SLC11A2: variants seen among roughly 807,000 people sequenced by gnomAD.
SLC11A2 encodes solute carrier family 11 member 2.
In SLC11A2, 38 loss-of-function variants were observed where a neutral mutation model predicts 68.0. The observed-to-expected ratio is 0.56, with a 90% CI of 0.43 to 0.73. The LOEUF (loss-of-function observed/expected upper bound fraction) is 0.73. Ranked by LOEUF, SLC11A2 falls within the 30% of genes least tolerant of loss-of-function variation. SLC11A2 has a pLI of 0.00. For synonymous variants in SLC11A2, 242 were observed against 250.6 expected, an observed-to-expected ratio of 0.97 and a Z score of 0.32; for missense variants, 517 against 690.5, an observed-to-expected ratio of 0.75 and a Z score of 2.82.
the SLC11A2 span, among the ~76,000 whole-genome samples, chr12:50,967,808 T>C: frequency 6.6e-6 from 1 of 152,198 alleles, no homozygotes; most frequent in African/African-American, 2.4e-5. Context: ...AAACTACCAG[T>C]AGTGATATAT....
chr12:50,963,058 G>A, the SLC11A2 span, among the ~76,000 whole-genome samples: 45 of 152,050 alleles, frequency 3.0e-4, no homozygotes, highest in African/African-American at 8.0e-4. Flanking sequence ...GAAGTGAGCC[G>A]GGAAAGGAAT....
intron 5 of SLC11A2, 82 bp from the exon 6 acceptor site, chr12:51,000,501 G>T: frequency 1.9e-6 from 2 of 1,062,632 alleles, no homozygotes; most frequent in Non-Finnish European, 1.4e-6. Flanking sequence ...TCACATTTTG[G>T]CACTAAACCA....
rs1023830008 is a variant in SLC11A2, at chr12:50,986,355, G to A, written c.*1970C>T. 6 of 1,279,490 alleles carry A rather than the reference G, an allele frequency of 4.7e-6. No individual in the cohort carries two copies. Among genetic ancestry groups the A allele is most frequent in the African/African-American group, 1.5e-5 (1 of 65,664 alleles). The allele number at this position is 1,279,490 out of a possible 1,614,324, so 79.3% of individuals were successfully genotyped here. Reference sequence around the variant, plus strand: ...TTCTGTGAAGATCAAATGCAATAACGTATGAGGGTATTTTTAACACTGTGA... The same window carrying A: ...TTCTGTGAAGATCAAATGCAATAACATATGAGGGTATTTTTAACACTGTGA... On this transcript the variant is annotated 3_prime_UTR_variant, in exon 16 of 16. Coordinates refer to ENST00000262052, the MANE Select transcript of SLC11A2 (RefSeq NM_000617.3).
the SLC11A2 span, among the ~76,000 whole-genome samples, chr12:50,963,571 A>G: frequency 6.6e-6 from 1 of 152,128 alleles, no homozygotes; most frequent in East Asian, 1.9e-4. Flanking sequence ...GGGGCTAAAC[A>G]TGGAGCTGGC....
Position 51,008,598 on chromosome 12 carries a change from A to G in SLC11A2, c.61T>C (p.Ser21Pro), listed in dbSNP as rs148005999. 2 of 1,612,912 alleles carry G rather than the reference A, an allele frequency of 1.2e-6. No individual in the cohort carries two copies. Among genetic ancestry groups the G allele is most frequent in the African/African-American group, 2.7e-5 (2 of 74,846 alleles). The change falls in exon 3 of 16, where the codon TCT becomes CCT. Residue 21 changes from serine (S) to proline (P), a missense_variant. Ser to Pro is a moderately conservative substitution (Grantham distance 74). Coordinates refer to ENST00000262052, the MANE Select transcript of SLC11A2 (RefSeq NM_000617.3). ...DDSVSGDHGE[S>P]ASLGNINPAY... is the part of the protein sequence containing the mutation. ...GGGTTGATGTTACCAAGACTGGCAG[A>G]CTCCCCATGATCTCCAGAAACACTG...
chr12:50,989,571 A>G (rs918398530), intron 15 of SLC11A2, among the ~76,000 whole-genome samples: 3 of 152,160 alleles, frequency 2.0e-5, no homozygotes, highest in Non-Finnish European at 4.4e-5. Context: ...TTCATATCCA[A>G]TTTGCATTCT....
chr12:50,992,748 AAG>A lies in SLC11A2; in HGVS notation c.1197+60_1197+61del, dbSNP rs1565991312. On this transcript the variant is annotated intron_variant, in intron 12 of 15. Transcript: ENST00000262052. ...TCCATCTCAAAAAAAAAAAAAAAAG[AAG>A]AAGAAGAAGAAGTAACAAAAGGGTT... is the stretch of plus-strand genomic sequence containing the variant. 774 of 1,453,372 alleles carry A rather than the reference AAG, an allele frequency of 5.3e-4. 4 individuals carry two copies. The African/African-American group carries it at 0.012, about 23-fold the overall frequency. The allele number at this position is 1,453,372 out of a possible 1,614,324, so 90.0% of individuals were successfully genotyped here.
chr12:50,974,825 GC>G (rs953212358), downstream of SLC11A2, among the ~76,000 whole-genome samples: 123 of 152,102 alleles, frequency 8.1e-4, no homozygotes, highest in African/African-American at 2.9e-3. Flanking sequence ...ACAAAAAGAG[GC>G]AGGGGTTGCA....
At chr12:50,990,489 T>C in intron 15 of SLC11A2, 1 of 279,008 alleles carries the variant, frequency 3.6e-6, no homozygotes, top group Admixed American at 4.8e-5. Context: ...TTAGAAATAT[T>C]ATTTTGTAAA....
intron 5 of SLC11A2, among the ~76,000 whole-genome samples, chr12:51,001,242 G>A (rs767403424): frequency 1.3e-5 from 2 of 151,166 alleles, no homozygotes; most frequent in African/African-American, 4.9e-5. Flanking sequence ...GGATGCCAAC[G>A]TAGATCCCTT....
chr12:50,988,039 A>G lies in SLC11A2; in HGVS notation c.*286T>C. 2.2e-6 allele frequency: 3 copies of G among 1,382,350 alleles called. No homozygotes were observed. The highest frequency in any genetic ancestry group is 2.9e-6 in the Non-Finnish European group (3 of 1,050,910). 85.6% of individuals were successfully genotyped at this position (1,382,350 alleles called of 1,614,324 possible). A position where few individuals can be genotyped will look rare whatever the true frequency, so the allele number is the denominator to read the frequency against. The stretch of plus-strand genomic sequence containing the variant: ...GCATATCCTTGTCTCTCCGAAGGAT[A>G]AACTGAGCTGGCCCTTGGGCAACTA... On this transcript the variant is annotated 3_prime_UTR_variant, in exon 16 of 16. Transcript: ENST00000262052.
intron 3 of SLC11A2, among the ~76,000 whole-genome samples, chr12:51,007,368 T>C (rs1232702087): frequency 6.6e-6 from 1 of 152,210 alleles, no homozygotes; most frequent in Non-Finnish European, 1.5e-5. Context: ...AGAGTCTCAC[T>C]CTGTCACTCA....
At chr12:51,021,922 A>G (rs1391646353) in intron 1 of SLC11A2, among the ~76,000 whole-genome samples, 1 of 152,080 alleles carries the variant, frequency 6.6e-6, no homozygotes, top group Non-Finnish European at 1.5e-5. Flanking sequence ...TTATCTTTTA[A>G]ACAAAAATAT....
chr12:50,959,032 A>C, the SLC11A2 span, among the ~76,000 whole-genome samples: 1 of 151,942 alleles, frequency 6.6e-6, no homozygotes, highest in Non-Finnish European at 1.5e-5. Context: ...AAAAACAAAC[A>C]AAAAAAAGAT....
chr12:50,966,590 T>C, the SLC11A2 span, among the ~76,000 whole-genome samples: 1 of 152,178 alleles, frequency 6.6e-6, no homozygotes, highest in African/African-American at 2.4e-5. Flanking sequence ...CTGCCCCTGG[T>C]TGAGAACCAT....
In SLC11A2 at chr12:51,009,078, G is replaced by A. The variant is rs1390641638; in HGVS notation, c.35-454C>T. On this transcript the variant is annotated intron_variant, in intron 2 of 15. Transcript: ENST00000262052. ...AAGAAAAGAACTAGGCCTGTCTAGC[G>A]AAATGTCCTCCCCACCTCCTATATT... 26 of 1,181,574 alleles carry A rather than the reference G, an allele frequency of 2.2e-5. No homozygotes were observed. In the East Asian group the frequency reaches 3.3e-4, roughly 15 times the overall value. 73.2% of individuals were successfully genotyped at this position (1,181,574 alleles called of 1,614,324 possible). A position where few individuals can be genotyped will look rare whatever the true frequency, so the allele number is the denominator to read the frequency against.
intron 3 of SLC11A2, chr12:51,005,740 C>G (rs1942666186): frequency 1.6e-6 from 2 of 1,268,224 alleles, no homozygotes; most frequent in Middle Eastern, 2.1e-4. Flanking sequence ...AGGACAAGAG[C>G]CACCATTTTA....
chr12:50,991,755 A>G (rs1260646828), intron 13 of SLC11A2, 83 bp from the exon 14 acceptor site: 4 of 1,036,128 alleles, frequency 3.9e-6, no homozygotes, highest in East Asian at 2.4e-5. Context: ...AAAGGGAAAC[A>G]TAAATGCTGC....
At position 50,987,781 on chromosome 12, in the gene SLC11A2, G is replaced by A; in HGVS notation, c.*544C>T. On this transcript the variant is annotated 3_prime_UTR_variant, in exon 16 of 16. Transcript: ENST00000262052. ...AATAAGTTCAAAGAATCCTAAGCCT[G>A]ATAGAGCTAGGTGTCTCTTCATTTT... 7.8e-7 allele frequency: 1 copy of A among 1,285,050 alleles called. No individual in the cohort carries two copies. 79.6% of individuals were successfully genotyped at this position (1,285,050 alleles called of 1,614,324 possible). A position where few individuals can be genotyped will look rare whatever the true frequency, so the allele number is the denominator to read the frequency against.
Sources: allele counts gnomAD v4.1 joint callset (sites outside exome capture counted in the v4.1 genomes callset), GRCh38; gene constraint gnomAD v4.1.1; transcripts MANE v1.5; gene names NCBI Gene and HGNC (gene_info 2026-07-23, HGNC 2026-07-21).